Variants in PFAS observed in about 807,000 individuals in gnomAD.
The protein encoded by PFAS is FGAM synthase.
A neutral mutation model predicts 140.6 loss-of-function variants in PFAS; 97 were observed. The observed-to-expected ratio is 0.69, with a 90% CI of 0.59 to 0.82. The LOEUF is 0.82. Ranked by LOEUF, PFAS falls within the 40% of genes least tolerant of loss-of-function variation. The probability of loss-of-function intolerance (pLI) is 0.00; values close to 1 mark genes in which losing one functional copy is unlikely to be tolerated. For missense variants in PFAS, 1,656 were observed against 1,780.2 expected (o/e 0.93, Z 1.26); for synonymous variants, 679 against 718.8 (o/e 0.94, Z 0.88).
chr17:8,266,301 C>T lies in PFAS; in HGVS notation c.2769C>T (p.Ala923=). 1.9e-6 allele frequency: 3 copies of T among 1,614,090 alleles called. No homozygotes were observed. Among genetic ancestry groups the T allele is most frequent in the Non-Finnish European group, 1.7e-6 (2 of 1,180,008 alleles). ...GGLVTCLLEM[A]FAGNCGLQVD... ...TCGTCACATGCCTGCTGGAGATGGC[C>T]TTTGCTGGAAATTGCGGGCTACAGG... is the stretch of plus-strand genomic sequence containing the variant. The change falls in exon 22 of 28, where the codon GCC becomes GCT. Residue 923 remains alanine (A), a synonymous_variant. Transcript: ENST00000314666. This position sits in a 1 kb window ranked among gnomAD's most constrained non-coding sequence, Gnocchi z 5.0.
At chr17:8,261,772 G>C (rs1282840580) in intron 11 of PFAS, among the ~76,000 whole-genome samples, 1 of 151,672 alleles carries the variant, frequency 6.6e-6, no homozygotes, top group African/African-American at 2.4e-5. Context: ...CACCATGCCT[G>C]GCTAATTTTT....
Position 8,254,174 on chromosome 17 carries a change from C to T in PFAS, c.151C>T (p.Leu51Phe). 3.1e-6 allele frequency: 5 copies of T among 1,614,116 alleles called. No individual in the cohort carries two copies. The highest frequency in any genetic ancestry group is 2.2e-5 in the East Asian group (1 of 44,872). The change falls in exon 3 of 28, where the codon CTC becomes TTC. Residue 51 changes from leucine to phenylalanine, a missense_variant. Leu to Phe is a conservative substitution (Grantham distance 22). Coordinates refer to ENST00000314666, the MANE Select transcript of PFAS (RefSeq NM_012393.3). Reference sequence around the variant, plus strand: ...GCCCTGTCTCCCTGCAGCTGAGGCCCTCCCCAGTGCTGAGGAGACAAAGAA... The same window carrying T: ...GCCCTGTCTCCCTGCAGCTGAGGCCTTCCCCAGTGCTGAGGAGACAAAGAA... ...CYNVNWTAEALPSAEETKKLM... is the reference protein window; with the variant it reads ...CYNVNWTAEAFPSAEETKKLM...
chr17:8,263,875 A>G lies in PFAS; in HGVS notation c.1730A>G (p.His577Arg), dbSNP rs774865389. 1.9e-6 allele frequency: 3 copies of G among 1,614,106 alleles called. No homozygotes were observed. The highest frequency in any genetic ancestry group is 2.2e-5 in the East Asian group (1 of 44,870). ...LRSPNRDFLTHVSARERCPAC... is the reference protein window; with the variant it reads ...LRSPNRDFLTRVSARERCPAC... Reference sequence around the variant, plus strand: ...TCCCCCAACCGGGACTTCCTGACTCATGTCAGTGCCCGTGAACGTTGCCCG... The same window carrying G: ...TCCCCCAACCGGGACTTCCTGACTCGTGTCAGTGCCCGTGAACGTTGCCCG... The change falls in exon 15 of 28, where the codon CAT becomes CGT. Residue 577 changes from histidine (H) to arginine (R), a missense_variant. By Grantham distance (29) the His-to-Arg change is conservative. Transcript: ENST00000314666.
Position 8,266,547 on chromosome 17 carries a change from C to A in PFAS, c.2821+194C>A, listed in dbSNP as rs778493833. 14 of 1,450,068 alleles carry A rather than the reference C, an allele frequency of 9.7e-6. No individual in the cohort carries two copies. The highest frequency in any genetic ancestry group is 1.2e-5 in the Non-Finnish European group (13 of 1,106,020). The allele number at this position is 1,450,068 out of a possible 1,614,324, so 89.8% of individuals were successfully genotyped here. On this transcript the variant is annotated intron_variant, in intron 22 of 27. Coordinates refer to ENST00000314666, the MANE Select transcript of PFAS (RefSeq NM_012393.3). This position sits in a 1 kb window ranked among gnomAD's most constrained non-coding sequence, Gnocchi z 5.0. ...GACACCCACCATGTTCCTGACTGCA[C>A]CCCTCTGAGACTTCCCATCCCTGAG...
At chr17:8,247,942 A>G, upstream of PFAS, 1 of 1,528,426 alleles carries the variant, frequency 6.5e-7, no homozygotes, top group South Asian at 1.2e-5. Context: ...GGAAATAGGA[A>G]GAGAAAGAGT....
intron 4 of PFAS, 44 bp downstream of exon 4, chr17:8,255,176 CA>C: frequency 7.3e-7 from 1 of 1,369,010 alleles, no homozygotes; most frequent in Non-Finnish European, 1.0e-6. Context: ...GCCAGAGATA[CA>C]AGATTAGATC....
chr17:8,267,844 GA>G lies in PFAS; in HGVS notation c.3382+186del, dbSNP rs34855598. Among the ~76,000 whole-genome samples the G allele has an allele frequency of 4.1e-5, 6 of 145,056 alleles. No individual in the cohort carries two copies. The highest frequency in any genetic ancestry group is 3.6e-3 in the Middle Eastern group (1 of 280). On this transcript the variant is annotated intron_variant, in intron 26 of 27. Coordinates refer to ENST00000314666, the MANE Select transcript of PFAS (RefSeq NM_012393.3). This position sits in a 1 kb window ranked among gnomAD's most constrained non-coding sequence, Gnocchi z 4.9. ...GTAGTAAATTTTTAATTTTTTCATT[GA>G]AAAAAAGTATATATATACACATATG...
At position 8,265,480 on chromosome 17, in the gene PFAS, G is replaced by C. The variant is rs566759624; in HGVS notation, c.2461+12G>C. The C allele has an allele frequency of 6.2e-7, 1 of 1,613,520 alleles. No homozygotes were observed. The highest frequency in any genetic ancestry group is 8.5e-7 in the Non-Finnish European group (1 of 1,179,494). On this transcript the variant is annotated intron_variant, in intron 19 of 27. Transcript: ENST00000314666. ...CGTGCGGGCTCCTGGTGAGGTGTGG[G>C]AGCCCCAGGGAGGGGAGGAGGAACT...
At chr17:8,256,026 C>A in intron 6 of PFAS, 116 bp downstream of exon 6, 1 of 869,928 alleles carries the variant, frequency 1.1e-6, no homozygotes, top group Non-Finnish European at 1.8e-6. Context: ...CTCTGAGGGC[C>A]TGGGCTCCCG....
intron 15 of PFAS, 24 bp from the exon 16 acceptor site, chr17:8,264,188 G>A: frequency 6.2e-7 from 1 of 1,613,096 alleles, no homozygotes; most frequent in Non-Finnish European, 8.5e-7. Context: ...CATCCCCTCT[G>A]GGTGGGGTCC....
At position 8,262,872 on chromosome 17, in the gene PFAS, C is replaced by T. The variant is rs775998420; in HGVS notation, c.1337-48C>T. 4.7e-6 allele frequency: 7 copies of T among 1,485,452 alleles called. No individual in the cohort carries two copies. In the South Asian group the frequency reaches 6.8e-5, roughly 14 times the overall value. The allele number at this position is 1,485,452 out of a possible 1,614,324, so 92.0% of individuals were successfully genotyped here. ...TCACGCTGCCTTGCTTTCGAGGCCT[C>T]TTCTCGTGGCTTCCCCAGTGTTCTG... On this transcript the variant is annotated intron_variant, in intron 11 of 27. Coordinates refer to ENST00000314666, the MANE Select transcript of PFAS (RefSeq NM_012393.3).
At chr17:8,260,678 G>A (rs1043089424) in intron 11 of PFAS, among the ~76,000 whole-genome samples, 2 of 152,218 alleles carry the variant, frequency 1.3e-5, no homozygotes, top group South Asian at 2.1e-4. Context: ...AAGCTGGAGC[G>A]TAATGGCGCT....
At position 8,256,845 on chromosome 17, in the gene PFAS, C is replaced by T; in HGVS notation, c.957C>T (p.Pro319=). 1 of 1,606,342 alleles carries T rather than the reference C, an allele frequency of 6.2e-7. No individual in the cohort carries two copies. The highest frequency in any genetic ancestry group is 8.5e-7 in the Non-Finnish European group (1 of 1,176,158). Reference sequence around the variant, plus strand: ...ACTCTCTCTTTGCAGGAGTATGCCCCTTTAGTGGTGCAACCACTGGCACAG... The same window carrying T: ...ACTCTCTCTTTGCAGGAGTATGCCCTTTTAGTGGTGCAACCACTGGCACAG... ...ETHNFPTGVC[P]FSGATTGTGG... is the part of the protein sequence containing the mutation. The change falls in exon 9 of 28, where the codon CCC becomes CCT. Residue 319 remains proline, a synonymous_variant. Coordinates refer to ENST00000314666, the MANE Select transcript of PFAS (RefSeq NM_012393.3).
chr17:8,251,310 C>G (rs1421807261), intron 1 of PFAS, among the ~76,000 whole-genome samples: 1 of 152,066 alleles, frequency 6.6e-6, no homozygotes, highest in African/African-American at 2.4e-5. Context: ...AAGACGGGGT[C>G]TTGCTCTGTC....
At chr17:8,260,436 A>G (rs1231767074) in intron 11 of PFAS, among the ~76,000 whole-genome samples, 1 of 152,180 alleles carries the variant, frequency 6.6e-6, no homozygotes, top group Non-Finnish European at 1.5e-5. Flanking sequence ...CACTTAGCTT[A>G]ATGTTTTCAG....
At chr17:8,255,990 C>A in intron 6 of PFAS, 80 bp downstream of exon 6, 1 of 1,152,196 alleles carries the variant, frequency 8.7e-7, no homozygotes, top group South Asian at 1.3e-5. Flanking sequence ...TCATGTTCCT[C>A]CCTTGGCTTA....
Position 8,255,123 on chromosome 17 carries a change from C to T in PFAS, c.375C>T (p.Tyr125=). Residue 125 remains tyrosine (Y), a synonymous_variant, in exon 4 of 28, where the codon TAC becomes TAT. Coordinates refer to ENST00000314666, the MANE Select transcript of PFAS (RefSeq NM_012393.3). ...ATCGTGTGGAGACCACCCGGCGCTA[C>T]CGGCTCTCGGTGAGGTGATGGGGAA... ...PVDRVETTRR[Y]RLSFAHPPSA... 2 of 1,609,642 alleles carry T rather than the reference C, an allele frequency of 1.2e-6. No individual in the cohort carries two copies. The highest frequency in any genetic ancestry group is 1.7e-6 in the Non-Finnish European group (2 of 1,176,810).
intron 26 of PFAS, among the ~76,000 whole-genome samples, 159 bp from the exon 27 acceptor site, chr17:8,268,372 CAA>C (rs372234499): frequency 6.4e-4 from 26 of 40,926 alleles, no homozygotes; most frequent in African/African-American, 1.2e-3. Flanking sequence ...GATTCCATCT[CAA>C]AAAAAAAAAA....
At chr17:8,248,581 G>A (rs1358712996), upstream of PFAS, among the ~76,000 whole-genome samples, 1 of 150,516 alleles carries the variant, frequency 6.6e-6, no homozygotes, top group Non-Finnish European at 1.5e-5. Context: ...TTTTTGAGAC[G>A]AGGTCTCGCT....
Sources: allele counts gnomAD v4.1 joint callset (sites outside exome capture counted in the v4.1 genomes callset), GRCh38; gene constraint gnomAD v4.1.1; non-coding constraint Gnocchi (gnomAD v3.1); transcripts MANE v1.5; gene names NCBI Gene and HGNC (gene_info 2026-07-23, HGNC 2026-07-21).